The following FBXO34 variants were observed in gnomAD, a reference collection of about 807,000 sequenced individuals.
FBXO34 encodes F-box protein 34.
Under a neutral mutation model 24.5 loss-of-function variants are expected in FBXO34, and 12 were observed. That is an observed-to-expected ratio of 0.49 (90% confidence interval 0.31 to 0.79). FBXO34 has a LOEUF of 0.79. Among genes scored for constraint, FBXO34 ranks in the 30% least tolerant of loss-of-function variants. The probability of loss-of-function intolerance (pLI) is 0.04; values close to 1 mark genes in which losing one functional copy is unlikely to be tolerated. For missense variants in FBXO34, 823 were observed against 857.7 expected (o/e 0.96, Z 0.51); for synonymous variants, 320 against 311.9 (o/e 1.03, Z -0.27).
At chr14:55,428,259 A>G in the FBXO34 span, among the ~76,000 whole-genome samples, 1 of 150,394 alleles carries the variant, frequency 6.6e-6, no homozygotes, top group East Asian at 2.0e-4. Flanking sequence ...CCTCCCGAGT[A>G]GCTGGGACTA....
At chr14:55,415,959 G>A in the FBXO34 span, among the ~76,000 whole-genome samples, 1 of 152,104 alleles carries the variant, frequency 6.6e-6, no homozygotes, top group Non-Finnish European at 1.5e-5. Flanking sequence ...ATGTTTCTTA[G>A]GCTCATCTAA....
chr14:55,354,770 C>T (rs1197482325), downstream of FBXO34, among the ~76,000 whole-genome samples: 2 of 152,188 alleles, frequency 1.3e-5, no homozygotes, highest in Admixed American at 1.3e-4. Context: ...GTGTAGCTTT[C>T]CTCTTAGGTG....
chr14:55,436,254 G>C, the FBXO34 span, among the ~76,000 whole-genome samples: 1 of 152,036 alleles, frequency 6.6e-6, no homozygotes, highest in Non-Finnish European at 1.5e-5. Context: ...TATATCCTTG[G>C]TGTTTATCCA....
the FBXO34 span, chr14:55,428,923 C>A: frequency 1.2e-6 from 2 of 1,614,186 alleles, no homozygotes; most frequent in Non-Finnish European, 8.5e-7. Flanking sequence ...GGAACCCAAG[C>A]TTCTGCACCA....
intron 1 of FBXO34, among the ~76,000 whole-genome samples, chr14:55,296,415 T>TTTTC (rs1882133948): frequency 7.1e-6 from 1 of 140,272 alleles, no homozygotes; most frequent in Non-Finnish European, 1.5e-5. Flanking sequence ...TTTTTTTTTT[T>TTTTC]GAGACAGTCT....
chr14:55,366,308 CTCCA>C (rs1302353827), downstream of FBXO34: 1 of 152,620 alleles, frequency 6.6e-6, no homozygotes, highest in African/African-American at 2.4e-5. Flanking sequence ...GTATAAAGTA[CTCCA>C]GGGTTCAATC....
chr14:55,380,875 A>ATT, the FBXO34 span, among the ~76,000 whole-genome samples: 28 of 112,692 alleles, frequency 2.5e-4, no homozygotes, highest in African/African-American at 4.6e-4. Flanking sequence ...ATATATATAT[A>ATT]TTTTTTTTTT....
At chr14:55,432,419 A>G in the FBXO34 span, among the ~76,000 whole-genome samples, 1 of 151,904 alleles carries the variant, frequency 6.6e-6, no homozygotes, top group Non-Finnish European at 1.5e-5. Context: ...TCTCAGAAAA[A>G]AAAAAACAAC....
chr14:55,378,091 C>T, the FBXO34 span: 2 of 1,605,078 alleles, frequency 1.2e-6, no homozygotes, highest in Non-Finnish European at 1.7e-6. Flanking sequence ...AACAAACATA[C>T]AATTTATAAA....
chr14:55,373,155 T>C (rs1884855467), downstream of FBXO34, among the ~76,000 whole-genome samples: 1 of 152,212 alleles, frequency 6.6e-6, no homozygotes, highest in Admixed American at 6.5e-5. Context: ...TTAATGTCTT[T>C]GGGGAATTAA....
At chr14:55,390,404 T>G in the FBXO34 span, among the ~76,000 whole-genome samples, 90 of 151,066 alleles carry the variant, frequency 6.0e-4, no homozygotes, top group African/African-American at 2.1e-3. Flanking sequence ...AGACAGAGTC[T>G]GGCTCTGTGC....
the FBXO34 span, among the ~76,000 whole-genome samples, chr14:55,397,943 C>CTTTTTTTTTTT: frequency 9.5e-6 from 1 of 105,558 alleles, no homozygotes; most frequent in Non-Finnish European, 1.9e-5. Context: ...TGCAGTAATT[C>CTTTTTTTTTTT]TTTTTTTTTT....
At chr14:55,301,505 C>G (rs1185056415) in intron 1 of FBXO34, among the ~76,000 whole-genome samples, 1 of 151,544 alleles carries the variant, frequency 6.6e-6, no homozygotes, top group East Asian at 1.9e-4. Flanking sequence ...GGTTTATTTT[C>G]TTAAACATGA....
chr14:55,438,092 T>G, the FBXO34 span, among the ~76,000 whole-genome samples: 1 of 152,336 alleles, frequency 6.6e-6, no homozygotes, highest in Non-Finnish European at 1.5e-5. Flanking sequence ...TCACTCAAGT[T>G]ACGGGCCTGG....
the FBXO34 span, among the ~76,000 whole-genome samples, chr14:55,423,637 A>C: frequency 1.3e-5 from 2 of 152,210 alleles, no homozygotes; most frequent in East Asian, 1.9e-4. Flanking sequence ...TTGGGGAAAA[A>C]ATATTACATA....
At chr14:55,411,456 T>C in the FBXO34 span, 1 of 813,000 alleles carries the variant, frequency 1.2e-6, no homozygotes, top group South Asian at 1.8e-5. Context: ...AAAGCTCCGG[T>C]GCAGAGCAGC....
intron 1 of FBXO34, among the ~76,000 whole-genome samples, chr14:55,329,479 T>TA (rs1883462056): frequency 6.6e-6 from 1 of 152,208 alleles, no homozygotes; most frequent in African/African-American, 2.4e-5. Context: ...AAGTGTGTAA[T>TA]AAACCAATTC....
intron 1 of FBXO34, chr14:55,339,305 C>G (rs566844016): frequency 6.6e-6 from 1 of 151,762 alleles, no homozygotes; most frequent in East Asian, 1.9e-4. Flanking sequence ...TGATCATAAC[C>G]ATATTAAGTA....
At chr14:55,423,039 A>G in the FBXO34 span, among the ~76,000 whole-genome samples, 1 of 152,260 alleles carries the variant, frequency 6.6e-6, no homozygotes. Flanking sequence ...TAATAGTATT[A>G]TAGTAAACTC....
Sources: gnomAD v4.1 joint callset for allele counts (sites outside exome capture counted in the v4.1 genomes callset) on GRCh38, gnomAD v4.1.1 for gene constraint, MANE v1.5 for transcripts, NCBI Gene and HGNC (gene_info 2026-07-23, HGNC 2026-07-21) for gene names.